The following VCAN variants were observed in gnomAD, a reference collection of about 807,000 sequenced individuals.
VCAN encodes versican.
In VCAN, 44 loss-of-function variants were observed where a neutral mutation model predicts 245.5. The ratio of observed to expected loss-of-function variants is 0.18; its 90% CI spans 0.14 to 0.23. The LOEUF is 0.23. VCAN is among the 10% of genes least tolerant of loss of function. The pLI is 1.00. For missense variants in VCAN, 3,793 were observed against 4,057.9 expected (o/e 0.93, Z 1.77); for synonymous variants, 1,413 against 1,437.0 (o/e 0.98, Z 0.38).
chr5:83,547,222 G>A (rs1747260918), intron 9 of VCAN, among the ~76,000 whole-genome samples: 1 of 152,184 alleles, frequency 6.6e-6, no homozygotes, highest in African/African-American at 2.4e-5. Flanking sequence ...ACTGAATAGT[G>A]TTACTTCACA....
chr5:83,542,402 C>A, intron 8 of VCAN, 134 bp downstream of exon 8: 1 of 964,870 alleles, frequency 1.0e-6, no homozygotes, highest in Admixed American at 2.0e-5. Flanking sequence ...AACAGCAGGC[C>A]AGGCCACAGT....
At chr5:83,554,745 C>T (rs1219681727) in intron 11 of VCAN, among the ~76,000 whole-genome samples, 1 of 152,112 alleles carries the variant, frequency 6.6e-6, no homozygotes, top group Non-Finnish European at 1.5e-5. Context: ...TATTTTAATG[C>T]TTCACAGGGT....
At chr5:83,529,920 G>A (rs771048467) in intron 7 of VCAN, among the ~76,000 whole-genome samples, 13 of 152,044 alleles carry the variant, frequency 8.6e-5, no homozygotes, top group Non-Finnish European at 1.8e-4. Context: ...AATATAGACT[G>A]TTTTGTTCTA....
chr5:83,489,658 G>A (rs757549400), intron 2 of VCAN, among the ~76,000 whole-genome samples: 1 of 152,130 alleles, frequency 6.6e-6, no homozygotes, highest in Non-Finnish European at 1.5e-5. Flanking sequence ...TAATGTGGCA[G>A]TTATTGTAAC....
intron 12 of VCAN, among the ~76,000 whole-genome samples, chr5:83,563,651 A>T (rs1376175692): frequency 2.6e-5 from 4 of 152,152 alleles, no homozygotes; most frequent in African/African-American, 9.7e-5. Context: ...TTCGGTGGTT[A>T]TCTGCTTGCC....
At chr5:83,561,465 A>G (rs1747863735) in intron 12 of VCAN, among the ~76,000 whole-genome samples, 1 of 152,152 alleles carries the variant, frequency 6.6e-6, no homozygotes, top group Non-Finnish European at 1.5e-5. Flanking sequence ...CTGGAAGATA[A>G]CTCAATTTTG....
At chr5:83,481,934 C>T (rs975798348) in intron 1 of VCAN, among the ~76,000 whole-genome samples, 1 of 152,122 alleles carries the variant, frequency 6.6e-6, no homozygotes, top group Non-Finnish European at 1.5e-5. Flanking sequence ...TGTTTTCAAT[C>T]TAGGTTTGCT....
rs769987937 is a variant in VCAN at position 83,545,627 on chromosome 5, A to G, written c.9356A>G (p.Tyr3119Cys). 8.1e-6 allele frequency: 13 copies of G among 1,614,116 alleles called. No homozygotes were observed. The highest frequency in any genetic ancestry group is 1.1e-5 in the Non-Finnish European group (13 of 1,179,954). Residue 3119 changes from tyrosine to cysteine, a missense_variant, in exon 9 of 15, where the codon TAC becomes TGC. By Grantham distance (194) the Tyr-to-Cys change is radical. Coordinates refer to ENST00000265077, the MANE Select transcript of VCAN (RefSeq NM_004385.5). The stretch of plus-strand genomic sequence containing the variant: ...TACGTATGCACCTGTGTGCCAGGAT[A>G]CAGCGGAGACCAGTGTGAACTTGGT... ...TSYVCTCVPG[Y>C]SGDQCELDFD...
intron 7 of VCAN, among the ~76,000 whole-genome samples, chr5:83,532,982 C>G (rs1478069822): frequency 6.6e-6 from 1 of 151,946 alleles, no homozygotes; most frequent in Non-Finnish European, 1.5e-5. Context: ...GCTCTTCTCA[C>G]AAAAAGATGG....
At chr5:83,506,321 T>G (rs974511048) in intron 5 of VCAN, among the ~76,000 whole-genome samples, 1 of 152,232 alleles carries the variant, frequency 6.6e-6, no homozygotes, top group African/African-American at 2.4e-5. Context: ...CCAAGTCACC[T>G]CTTGAATGCT....
chr5:83,514,305 AATTC>A (rs1745769181), intron 6 of VCAN, among the ~76,000 whole-genome samples: 1 of 152,146 alleles, frequency 6.6e-6, no homozygotes. Flanking sequence ...TTATATTCAG[AATTC>A]ATTTAGTGCG....
chr5:83,553,667 C>A, intron 11 of VCAN, 145 bp downstream of exon 11: 1 of 1,162,408 alleles, frequency 8.6e-7, no homozygotes, highest in Non-Finnish European at 1.2e-6. Flanking sequence ...TTAAAATCAT[C>A]TCACCTATGT....
At chr5:83,479,968 G>T (rs1379345935) in intron 1 of VCAN, among the ~76,000 whole-genome samples, 2 of 152,144 alleles carry the variant, frequency 1.3e-5, no homozygotes, top group Non-Finnish European at 2.9e-5. Context: ...GGCAGTAATG[G>T]CCTTGAGCAC....
chr5:83,504,797 C>G (rs1325384601), intron 5 of VCAN, among the ~76,000 whole-genome samples: 1 of 152,144 alleles, frequency 6.6e-6, no homozygotes, highest in African/African-American at 2.4e-5. Flanking sequence ...AGTCCATTTT[C>G]ATGCTGCTGA....
chr5:83,580,433 G>T lies in VCAN; in HGVS notation c.10190G>T (p.Ter3397LeuextTer68). ...WSRRWQESRR[*>L] ...CGGAGGTGGCAGGAGTCGAGGCGCT[G>T]ATCCCTAAAATGGCGAACATGTGTT... Residue 3397 changes from the stop codon to leucine, a stop_lost, in exon 15 of 15, where the codon TGA (stop) becomes TTA (leucine). Transcript: ENST00000265077. The T allele has an allele frequency of 6.2e-7, 1 of 1,613,730 alleles. No homozygotes were observed. Among genetic ancestry groups the T allele is most frequent in the South Asian group, 1.1e-5 (1 of 91,040 alleles).
chr5:83,517,575 A>T (rs1208340304), intron 6 of VCAN, among the ~76,000 whole-genome samples: 1 of 152,212 alleles, frequency 6.6e-6, no homozygotes, highest in Admixed American at 6.5e-5. Flanking sequence ...ATGGAATTTC[A>T]GAGGATAGAG....
At chr5:83,504,398 T>C (rs1745421937) in intron 5 of VCAN, among the ~76,000 whole-genome samples, 1 of 151,788 alleles carries the variant, frequency 6.6e-6, no homozygotes, top group Non-Finnish European at 1.5e-5. Flanking sequence ...TTTTTTTTTT[T>C]TTTTGAGACG....
chr5:83,537,773 T>G lies in VCAN; in HGVS notation c.4770T>G (p.Ser1590=), dbSNP rs141032886. ...ACACTCCCACTATAGTTCCAAGTTC[T>G]GCATCAGCATATGTTTCAGAGGAAG... The part of the protein sequence containing the change: ...VTYTPTIVPS[S]ASAYVSEEEA... The change falls in exon 8 of 15, where the codon TCT becomes TCG. Residue 1590 remains serine (S), a synonymous_variant. Coordinates refer to ENST00000265077, the MANE Select transcript of VCAN (RefSeq NM_004385.5). 3 of 1,614,054 alleles carry G rather than the reference T, an allele frequency of 1.9e-6. No homozygotes were observed. The highest frequency in any genetic ancestry group is 1.7e-5 in the Admixed American group (1 of 59,980).
At chr5:83,561,379 A>T (rs937326633) in intron 12 of VCAN, among the ~76,000 whole-genome samples, 1 of 152,292 alleles carries the variant, frequency 6.6e-6, no homozygotes, top group African/African-American at 2.4e-5. Flanking sequence ...CTAAAAAAAA[A>T]ACTAATTGAT....
Sources: gnomAD v4.1 joint callset for allele counts (sites outside exome capture counted in the v4.1 genomes callset) on GRCh38, gnomAD v4.1.1 for gene constraint, MANE v1.5 for transcripts, NCBI Gene and HGNC (gene_info 2026-07-23, HGNC 2026-07-21) for gene names.